SPC25: variants seen among roughly 807,000 people sequenced by gnomAD.
SPC25 encodes the protein SPC25 component of NDC80 kinetochore complex.
Under a neutral mutation model 29.6 loss-of-function variants are expected in SPC25, and 22 were observed. The ratio of observed to expected loss-of-function variants is 0.74; its 90% CI spans 0.53 to 1.06. SPC25 has a LOEUF of 1.06. SPC25 is among the 50% of genes least tolerant of loss of function. The pLI, the probability that SPC25 is intolerant of heterozygous loss-of-function variation, is 0.00. For missense variants in SPC25, 230 were observed against 255.8 expected (o/e 0.90, Z 0.69); for synonymous variants, 91 against 90.4 (o/e 1.01, Z -0.04).
chr2:168,868,735 G>T (rs947649593), downstream of SPC25, among the ~76,000 whole-genome samples: 7 of 152,138 alleles, frequency 4.6e-5, no homozygotes, highest in African/African-American at 1.7e-4. Flanking sequence ...ACCAAAAAAA[G>T]TCCAGGACCA....
chr2:168,889,623 G>A (rs1690356414), intron 1 of SPC25, 90 bp from the exon 2 acceptor site: 2 of 1,356,572 alleles, frequency 1.5e-6, no homozygotes, highest in Non-Finnish European at 2.0e-6. Flanking sequence ...TTGGCAATTT[G>A]TCCTTTGCTA....
intron 4 of SPC25, among the ~76,000 whole-genome samples, chr2:168,863,102 G>T (rs1689575061): frequency 6.6e-6 from 1 of 152,028 alleles, no homozygotes; most frequent in African/African-American, 2.4e-5. Flanking sequence ...ACAATAAATT[G>T]ATTATCTTGT....
chr2:168,863,860 G>C (rs542553527), intron 4 of SPC25, among the ~76,000 whole-genome samples: 1 of 152,056 alleles, frequency 6.6e-6, no homozygotes, highest in Admixed American at 6.6e-5. Flanking sequence ...CAGCTACATA[G>C]AAATAGAAAG....
chr2:168,889,683 C>T, intron 1 of SPC25, 150 bp from the exon 2 acceptor site: 1 of 785,848 alleles, frequency 1.3e-6, no homozygotes, highest in African/African-American at 1.7e-5. Context: ...TAGATCAAGC[C>T]ACCTGGGCTT....
chr2:168,886,875 A>G (rs190744092), intron 3 of SPC25, among the ~76,000 whole-genome samples: 2 of 152,326 alleles, frequency 1.3e-5, no homozygotes, highest in African/African-American at 2.4e-5. Flanking sequence ...ATTTTAGACT[A>G]TATAGAGCAT....
At chr2:168,865,157 G>C (rs1373296762) in intron 4 of SPC25, 1 of 644,956 alleles carries the variant, frequency 1.6e-6, no homozygotes, top group African/African-American at 1.8e-5. Context: ...TGGATGGGTG[G>C]AGACAGACAA....
intron 3 of SPC25, among the ~76,000 whole-genome samples, chr2:168,888,397 T>C (rs1011348662): frequency 2.6e-5 from 4 of 151,954 alleles, no homozygotes; most frequent in Admixed American, 2.6e-4. Flanking sequence ...GTACTAAAAA[T>C]ACAAAAAATT....
At chr2:168,883,552 T>A (rs1690210910) in intron 3 of SPC25, among the ~76,000 whole-genome samples, 2 of 152,330 alleles carry the variant, frequency 1.3e-5, no homozygotes, top group East Asian at 1.9e-4. Context: ...TCGGTCAAAA[T>A]CACGACTTCT....
At chr2:168,870,565 G>T, downstream of SPC25, among the ~76,000 whole-genome samples, 1 of 151,730 alleles carries the variant, frequency 6.6e-6, no homozygotes, top group East Asian at 1.9e-4. Flanking sequence ...ACAGACACTT[G>T]TCAAAAGAAG....
downstream of SPC25, among the ~76,000 whole-genome samples, chr2:168,866,013 G>A (rs1689840735): frequency 6.6e-6 from 1 of 152,286 alleles, no homozygotes; most frequent in African/African-American, 2.4e-5. Context: ...CTCATGGGTA[G>A]GAAGAATCAA....
intron 4 of SPC25, chr2:168,864,718 G>T: frequency 8.2e-7 from 1 of 1,226,566 alleles, no homozygotes; most frequent in South Asian, 1.5e-5. Context: ...ATCAAGTGCA[G>T]AAAATGACAC....
chr2:168,887,788 T>C (rs1382767267), intron 3 of SPC25, among the ~76,000 whole-genome samples: 1 of 152,190 alleles, frequency 6.6e-6, no homozygotes, highest in South Asian at 2.1e-4. Flanking sequence ...AGAAAAACAC[T>C]GTCAGAGTAC....
At chr2:168,870,343 C>A (rs1367580902), downstream of SPC25, among the ~76,000 whole-genome samples, 1 of 151,378 alleles carries the variant, frequency 6.6e-6, no homozygotes, top group Admixed American at 6.6e-5. Flanking sequence ...CAACAAAAGC[C>A]GAAATTGACA....
intron 6 of SPC25, among the ~76,000 whole-genome samples, chr2:168,872,472 TG>T (rs1381296273): frequency 6.6e-6 from 1 of 152,166 alleles, no homozygotes; most frequent in African/African-American, 2.4e-5. Context: ...GCTGGTACAC[TG>T]GGACAAGTCT....
downstream of SPC25, among the ~76,000 whole-genome samples, chr2:168,869,470 C>G (rs1419173736): frequency 4.6e-5 from 7 of 152,152 alleles, no homozygotes; most frequent in Non-Finnish European, 1.0e-4. Flanking sequence ...ATCGTCTCAG[C>G]CCAAAATCTC....
chr2:168,869,707 G>C (rs1316829411), downstream of SPC25, among the ~76,000 whole-genome samples: 1 of 152,036 alleles, frequency 6.6e-6, no homozygotes, highest in Non-Finnish European at 1.5e-5. Context: ...AAATAAAAGA[G>C]GACACAAAGA....
At chr2:168,865,762 T>A (rs1689826936) in intron 4 of SPC25, among the ~76,000 whole-genome samples, 1 of 137,868 alleles carries the variant, frequency 7.3e-6, no homozygotes, top group Admixed American at 7.1e-5. Flanking sequence ...GATAAGCAAC[T>A]TCAGCAAAGT....
At chr2:168,863,921 T>TTA (rs1298936046) in intron 4 of SPC25, among the ~76,000 whole-genome samples, 16 of 152,232 alleles carry the variant, frequency 1.1e-4, no homozygotes, top group African/African-American at 3.9e-4. Flanking sequence ...TTTTTTATTT[T>TTA]TTTTTTTGAG....
At chr2:168,864,506 GA>G (rs34573857) in intron 4 of SPC25, among the ~76,000 whole-genome samples, 124,088 of 152,070 alleles carry the variant, frequency 0.82, 50,681 homozygotes, top group East Asian at 0.9. Context: ...GGCTGGTCTC[GA>G]AACTCCTGAC....
Sources: allele counts gnomAD v4.1 joint callset (sites outside exome capture counted in the v4.1 genomes callset), GRCh38; gene constraint gnomAD v4.1.1; transcripts MANE v1.5; gene names NCBI Gene and HGNC (gene_info 2026-07-23, HGNC 2026-07-21).